CELSR1: variants seen among roughly 807,000 people sequenced by gnomAD.
CELSR1 encodes the protein adhesion G protein-coupled receptor C1.
CELSR1 carries 110 observed loss-of-function variants against 249.1 expected under a neutral mutation model. The ratio of observed to expected loss-of-function variants is 0.44; its 90% CI spans 0.38 to 0.52. CELSR1 has a LOEUF of 0.52. Among genes scored for constraint, CELSR1 ranks in the 20% least tolerant of loss-of-function variants. The probability of loss-of-function intolerance (pLI) is 0.00; values close to 1 mark genes in which losing one functional copy is unlikely to be tolerated. For synonymous variants in CELSR1, 2,113 were observed against 1,900.0 expected (o/e 1.11, Z -2.92); for missense variants, 4,109 against 4,296.4 (o/e 0.96, Z 1.22).
intron 24 of CELSR1, among the ~76,000 whole-genome samples, chr22:46,373,936 C>G (rs1249414309): frequency 6.6e-6 from 1 of 152,232 alleles, no homozygotes; most frequent in Non-Finnish European, 1.5e-5. Context: ...CCACTTTGCT[C>G]AGGCACTGGG....
At chr22:46,378,799 C>T in intron 22 of CELSR1, 82 bp from the exon 23 acceptor site, 1 of 1,522,234 alleles carries the variant, frequency 6.6e-7, no homozygotes, top group Non-Finnish European at 8.9e-7. Context: ...TTGCCCAGCC[C>T]TGGGGGCTCC....
chr22:46,376,736 G>A (rs1408402039), intron 24 of CELSR1, among the ~76,000 whole-genome samples: 1 of 151,926 alleles, frequency 6.6e-6, no homozygotes, highest in African/African-American at 2.4e-5. Context: ...GAACCTGGGA[G>A]GTGGAAGTTG....
rs1221284345 is a variant in CELSR1 at position 46,537,161 on chromosome 22, G to GCGGCGC, written c.4_9dup (p.Ala2_Pro3dup). 1.9e-5 allele frequency: 19 copies of GCGGCGC among 1,024,344 alleles called. No individual in the cohort carries two copies. The highest frequency in any genetic ancestry group is 3.5e-5 in the African/African-American group (2 of 57,690). 63.5% of individuals were successfully genotyped at this position (1,024,344 alleles called of 1,614,324 possible). ...AGCACGGGCAGCACGGGCGGCGGCGGCGGCGCCATGGCCCGGAGCCCGAGC... is the reference window on the plus strand; with the variant it reads ...AGCACGGGCAGCACGGGCGGCGGCGGCGGCGCCGGCGCCATGGCCCGGAGCCCGAGC... On this transcript the variant is annotated inframe_insertion, in exon 1 of 35. Coordinates refer to ENST00000674500, the MANE Select transcript of CELSR1 (RefSeq NM_001378328.1). This position sits in a 1 kb window ranked among gnomAD's most constrained non-coding sequence, Gnocchi z 5.8.
chr22:46,405,156 C>T (rs913631800), intron 9 of CELSR1, among the ~76,000 whole-genome samples: 2 of 150,814 alleles, frequency 1.3e-5, no homozygotes, highest in African/African-American at 4.9e-5. Flanking sequence ...CTATAGAAGT[C>T]AGCTTATTAA....
chr22:46,513,194 G>T (rs2080591301), intron 1 of CELSR1, among the ~76,000 whole-genome samples: 1 of 152,166 alleles, frequency 6.6e-6, no homozygotes, highest in African/African-American at 2.4e-5. Context: ...CTGCTGCAGT[G>T]AGCCAGAACA....
Position 46,406,336 on chromosome 22 carries a change from T to C in CELSR1, c.5226+2660A>G, listed in dbSNP as rs112444807. 1.4e-3 allele frequency among the ~76,000 whole-genome samples: 217 copies of C among 152,336 alleles called. No homozygotes were observed. The highest frequency in any genetic ancestry group is 4.7e-3 in the African/African-American group (194 of 41,580). ...GGTTAACAAGGGCCCACAGGCCAGC[T>C]GTAATCATCCCTGGCGCACACCACA... On this transcript the variant is annotated intron_variant, in intron 9 of 34. Transcript: ENST00000674500. The surrounding 1 kb of genome is among the most constrained non-coding windows in gnomAD (Gnocchi z 5.4).
rs186458812 is a variant in CELSR1, at chr22:46,378,752, C to T, written c.7257-35G>A. ...GGACAGAGAAGGGGCAGGGGTAAGA[C>T]GGTTCCCTCTGCCCATGAGTCTGTA... On this transcript the variant is annotated intron_variant, in intron 22 of 34. Transcript: ENST00000674500. 7.3e-4 allele frequency: 1,168 copies of T among 1,598,222 alleles called. 14 individuals carry two copies. The Admixed American group carries it at 0.015, about 20-fold the overall frequency.
rs1853561448 is a variant in CELSR1, at chr22:46,530,350, ATATAT to A, written c.3544+3272_3544+3276del. 2.0e-5 allele frequency: 3 copies of A among 148,648 alleles called. No individual in the cohort carries two copies. The South Asian group carries it at 6.3e-4, about 31-fold the overall frequency. The allele number at this position is 148,648 out of a possible 1,614,324, so 9.2% of individuals were successfully genotyped here. A position where few individuals can be genotyped will look rare whatever the true frequency, so the allele number is the denominator to read the frequency against. On this transcript the variant is annotated intron_variant, in intron 1 of 34. Coordinates refer to ENST00000674500, the MANE Select transcript of CELSR1 (RefSeq NM_001378328.1). ...TATATAATTCATTATAACATATATT[ATATAT>A]TATATATAATTCATTATATATAAAT...
At chr22:46,463,220 A>G (rs2080052423) in intron 2 of CELSR1, among the ~76,000 whole-genome samples, 1 of 152,224 alleles carries the variant, frequency 6.6e-6, no homozygotes. Context: ...GCTGGCTAAG[A>G]AAGTGCCATT....
intron 14 of CELSR1, among the ~76,000 whole-genome samples, chr22:46,392,433 G>A (rs537320454): frequency 1.2e-4 from 18 of 152,372 alleles, no homozygotes; most frequent in African/African-American, 1.9e-4. Flanking sequence ...TGGGGACTCC[G>A]ACTGTGTGTA....
At chr22:46,523,628 C>T (rs2080708408) in intron 1 of CELSR1, among the ~76,000 whole-genome samples, 1 of 152,008 alleles carries the variant, frequency 6.6e-6, no homozygotes, top group South Asian at 2.1e-4. Flanking sequence ...GGGAAGAATA[C>T]AGGGCAGGAG....
chr22:46,437,849 C>G lies in CELSR1; in HGVS notation c.4406+1340G>C, dbSNP rs745678504. On this transcript the variant is annotated intron_variant, in intron 3 of 34. Coordinates refer to ENST00000674500, the MANE Select transcript of CELSR1 (RefSeq NM_001378328.1). The surrounding 1 kb of genome is among the most constrained non-coding windows in gnomAD (Gnocchi z 4.9). ...TGACGACAAACACAAAGAAGAATAC[C>G]CACACAGCACACTGATGCTTGGGCA... Among the ~76,000 whole-genome samples, 5 of 152,140 alleles carry G rather than the reference C, an allele frequency of 3.3e-5. No homozygotes were observed. The highest frequency in any genetic ancestry group is 5.9e-5 in the Non-Finnish European group (4 of 68,040).
At position 46,363,863 on chromosome 22, in the gene CELSR1, C is replaced by T. The variant is rs118168818; in HGVS notation, c.9035+133G>A. On this transcript the variant is annotated intron_variant, in intron 34 of 34. Coordinates refer to ENST00000674500, the MANE Select transcript of CELSR1 (RefSeq NM_001378328.1). This position sits in a 1 kb window ranked among gnomAD's most constrained non-coding sequence, Gnocchi z 4.3. ...CAGCGCCTCCCCCCTCCCCCATCCC[C>T]GCCTGGGCTTCCTCTGCACTCAGGG... 0.026 allele frequency: 32,831 copies of T among 1,254,354 alleles called. 515 individuals carry two copies. The highest frequency in any genetic ancestry group is 0.029 in the Non-Finnish European group (27,164 of 939,726). The allele number at this position is 1,254,354 out of a possible 1,614,324, so 77.7% of individuals were successfully genotyped here.
In CELSR1 at chr22:46,377,091, G is replaced by T. The variant is rs116079347; in HGVS notation, c.7554C>A (p.Phe2518Leu). Residue 2518 changes from phenylalanine to leucine, a missense_variant, in exon 24 of 35, where the codon TTC (phenylalanine) becomes TTA (leucine). Phe to Leu is a conservative substitution (Grantham distance 22, BLOSUM62 0). Transcript: ENST00000674500. ...AVALFLSQLV[F>L]VIGINQTENP... is the part of the protein sequence containing the mutation. ...TTTCCGTCTGGTTGATCCCAATCAC[G>T]AACACCAGCTGAGAGAGGAAGAGCG... 4.2e-3 allele frequency: 6,728 copies of T among 1,613,368 alleles called. 234 individuals are homozygous for T. In the African/African-American group the frequency reaches 0.074, roughly 18 times the overall value.
rs935570924 is a variant in CELSR1, at chr22:46,436,557, T to C, written c.4407-268A>G. On this transcript the variant is annotated intron_variant, in intron 3 of 34. Transcript: ENST00000674500. This position sits in a 1 kb window ranked among gnomAD's most constrained non-coding sequence, Gnocchi z 5.9. ...CAAAAAATATCCCATTTGCACAACA[T>C]GCTACAAGTACGACCAGCGGCCAGG... 1.3e-5 allele frequency among the ~76,000 whole-genome samples: 2 copies of C among 152,252 alleles called. No individual in the cohort carries two copies. The highest frequency in any genetic ancestry group is 4.1e-4 in the South Asian group (2 of 4,824).
chr22:46,499,646 T>C (rs1295863829), intron 1 of CELSR1, among the ~76,000 whole-genome samples: 1 of 152,174 alleles, frequency 6.6e-6, no homozygotes, highest in Non-Finnish European at 1.5e-5. Flanking sequence ...GCAAGAAATG[T>C]AACATGACCC....
chr22:46,397,761 C>A lies in CELSR1; in HGVS notation c.5614G>T (p.Val1872Leu). ...GGGCTCGAGGTACAGGGGTCGTCCA[C>A]ATCACAGCCGTCCTTCACCCTGACC... Reference protein sequence around the residue: ...LKVRVKDGCDVDDPCTSSPCP... With the variant: ...LKVRVKDGCDLDDPCTSSPCP... The change falls in exon 12 of 35, where the codon GTG becomes TTG. Residue 1872 changes from valine (V) to leucine (L), a missense_variant. Coordinates refer to ENST00000674500, the MANE Select transcript of CELSR1 (RefSeq NM_001378328.1). 6.2e-7 allele frequency: 1 copy of A among 1,603,410 alleles called. No individual in the cohort carries two copies. Among genetic ancestry groups the A allele is most frequent in the South Asian group, 1.1e-5 (1 of 88,932 alleles).
intron 18 of CELSR1, among the ~76,000 whole-genome samples, chr22:46,388,984 G>A (rs1235752492): frequency 1.3e-5 from 2 of 152,362 alleles, no homozygotes; most frequent in East Asian, 1.9e-4. Flanking sequence ...ATGGAAGGGA[G>A]AGGGGCTGAT....
intron 1 of CELSR1, among the ~76,000 whole-genome samples, chr22:46,470,286 G>T (rs540149876): frequency 3.3e-4 from 50 of 151,782 alleles, no homozygotes; most frequent in Non-Finnish European, 6.2e-4. Context: ...GCAGGTACTT[G>T]AAAAATTGAT....
Sources: allele counts gnomAD v4.1 joint callset (sites outside exome capture counted in the v4.1 genomes callset), GRCh38; gene constraint gnomAD v4.1.1; non-coding constraint Gnocchi (gnomAD v3.1); transcripts MANE v1.5; gene names NCBI Gene and HGNC (gene_info 2026-07-23, HGNC 2026-07-21).